CXCL13: variants seen among roughly 807,000 people sequenced by gnomAD.
The protein encoded by CXCL13 is C-X-C motif chemokine 13.
Under a neutral mutation model 12.2 loss-of-function variants are expected in CXCL13, and 7 were observed. The ratio of observed to expected loss-of-function variants is 0.57; its 90% CI spans 0.33 to 1.07. The LOEUF is 1.07. Among genes scored for constraint, CXCL13 ranks in the 50% least tolerant of loss-of-function variants. The pLI, the probability that CXCL13 is intolerant of heterozygous loss-of-function variation, is 0.04. For synonymous variants in CXCL13, 47 were observed against 42.4 expected (o/e 1.11, Z -0.42); for missense variants, 113 against 127.4 (o/e 0.89, Z 0.55).
At chr4:77,526,228 G>A (rs1485827591) in intron 1 of CXCL13, among the ~76,000 whole-genome samples, 2 of 151,684 alleles carry the variant, frequency 1.3e-5, no homozygotes, top group Non-Finnish European at 2.9e-5. Flanking sequence ...TTGTTTCATG[G>A]CAAATATTAA....
Position 77,610,635 on chromosome 4 carries a change from A to C in CXCL13, c.219A>C (p.Ser73=). 4 of 1,613,016 alleles carry C rather than the reference A, an allele frequency of 2.5e-6. No homozygotes were observed. Among genetic ancestry groups the C allele is most frequent in the Admixed American group, 1.7e-5 (1 of 60,012 alleles). Residue 73 remains serine (S), a synonymous_variant, in exon 3 of 4, where the codon TCA becomes TCC. Coordinates refer to ENST00000682537, the MANE Select transcript of CXCL13 (RefSeq NM_001371558.1). ...KEIIVWKKNK[S]IVCVDPQAEW... is the part of the protein sequence containing the mutation. ...CCAGAGTCTGGAAGAAGAACAAGTC[A>C]ATTGTGTGTGTGGACCCTCAAGCTG...
intron 1 of CXCL13, among the ~76,000 whole-genome samples, chr4:77,526,269 T>C (rs1381521426): frequency 1.3e-5 from 2 of 152,016 alleles, no homozygotes; most frequent in Admixed American, 6.6e-5. Context: ...AGGTATTCTG[T>C]TATAGTAACA....
At chr4:77,584,986 T>C (rs957117392) in intron 1 of CXCL13, among the ~76,000 whole-genome samples, 2 of 152,226 alleles carry the variant, frequency 1.3e-5, no homozygotes, top group Non-Finnish European at 2.9e-5. Flanking sequence ...AGATTTTTTC[T>C]TCTTTAAAGA....
intron 1 of CXCL13, among the ~76,000 whole-genome samples, chr4:77,520,767 TGA>T (rs1413162297): frequency 2.6e-5 from 4 of 152,190 alleles, no homozygotes; most frequent in African/African-American, 9.7e-5. Context: ...ATAGGAGTGG[TGA>T]GAGAGGGCAT....
chr4:77,563,281 A>G (rs1393924131), intron 1 of CXCL13, among the ~76,000 whole-genome samples: 1 of 152,152 alleles, frequency 6.6e-6, no homozygotes. Context: ...GTTCTCAAGC[A>G]AAGACCGATG....
In CXCL13 at chr4:77,517,280, T is replaced by G. The variant is rs1243473621; in HGVS notation, c.-43+5492T>G. On this transcript the variant is annotated intron_variant, in intron 1 of 4. Transcript: ENST00000286758. Reference sequence around the variant, plus strand: ...GTGTGGTGCTGAAAAAAATGTATATTCTGTTGATTTGAGGTGGAGAGTTCT... The same window carrying G: ...GTGTGGTGCTGAAAAAAATGTATATGCTGTTGATTTGAGGTGGAGAGTTCT... 2.6e-5 allele frequency among the ~76,000 whole-genome samples: 4 copies of G among 152,202 alleles called. No homozygotes were observed. The East Asian group carries it at 5.8e-4, about 22-fold the overall frequency.
In CXCL13 at chr4:77,585,208, G is replaced by C. The variant is rs183176224; in HGVS notation, c.-42-20616G>C. 3.3e-5 allele frequency among the ~76,000 whole-genome samples: 5 copies of C among 152,252 alleles called. No homozygotes were observed. In the South Asian group the frequency reaches 6.2e-4, roughly 19 times the overall value. On this transcript the variant is annotated intron_variant, in intron 1 of 4. Coordinates refer to the CXCL13 transcript ENST00000286758. ...CCTGGCTTTAAAAATTGGGAGAAAG[G>C]CTTCTTTATTCAATAAAAATCTTGA...
intron 1 of CXCL13, among the ~76,000 whole-genome samples, chr4:77,537,217 T>C (rs1368659182): frequency 6.6e-6 from 1 of 152,226 alleles, no homozygotes; most frequent in Non-Finnish European, 1.5e-5. Context: ...AGAGTACTAC[T>C]GCAACCCCTA....
chr4:77,580,578 G>A (rs1454052622), intron 1 of CXCL13, among the ~76,000 whole-genome samples: 1 of 151,832 alleles, frequency 6.6e-6, no homozygotes, highest in Admixed American at 6.6e-5. Flanking sequence ...GCCTCCATCA[G>A]CCCCTCAAAG....
intron 1 of CXCL13, among the ~76,000 whole-genome samples, chr4:77,576,425 G>A (rs1726197702): frequency 6.6e-6 from 1 of 152,196 alleles, no homozygotes; most frequent in Non-Finnish European, 1.5e-5. Context: ...GAAACTACTT[G>A]CAAGTATTCT....
chr4:77,520,880 G>A (rs1485434134), intron 1 of CXCL13, among the ~76,000 whole-genome samples: 1 of 152,158 alleles, frequency 6.6e-6, no homozygotes, highest in Non-Finnish European at 1.5e-5. Flanking sequence ...ATTATTTTGA[G>A]ATGTGTTCCA....
intron 1 of CXCL13, among the ~76,000 whole-genome samples, chr4:77,549,429 A>G (rs1725453993): frequency 1.3e-5 from 2 of 152,082 alleles, no homozygotes; most frequent in South Asian, 4.1e-4. Context: ...TGGTTTTTAG[A>G]ATTTTCAGCT....
chr4:77,524,345 C>T (rs1724706299), intron 1 of CXCL13, among the ~76,000 whole-genome samples: 1 of 152,208 alleles, frequency 6.6e-6, no homozygotes, highest in African/African-American at 2.4e-5. Context: ...GAGGTGGAGT[C>T]TATAGAGGCA....
At chr4:77,580,863 T>C (rs949525155) in intron 1 of CXCL13, among the ~76,000 whole-genome samples, 12 of 144,012 alleles carry the variant, frequency 8.3e-5, no homozygotes, top group Non-Finnish European at 1.5e-4. Context: ...TTTCCTCTCC[T>C]CTTCTCCTGT....
At chr4:77,593,437 A>G (rs1246861502) in intron 1 of CXCL13, among the ~76,000 whole-genome samples, 1 of 152,220 alleles carries the variant, frequency 6.6e-6, no homozygotes, top group African/African-American at 2.4e-5. Context: ...ACGATGAATG[A>G]GTGGACATCC....
At chr4:77,544,006 T>C (rs943882453) in intron 1 of CXCL13, among the ~76,000 whole-genome samples, 9 of 152,166 alleles carry the variant, frequency 5.9e-5, no homozygotes, top group African/African-American at 2.2e-4. Context: ...TGTTTGGTTT[T>C]CTGTCCTTGC....
At chr4:77,606,938 A>G (rs1727013905) in intron 1 of CXCL13, among the ~76,000 whole-genome samples, 1 of 152,232 alleles carries the variant, frequency 6.6e-6, no homozygotes, top group Non-Finnish European at 1.5e-5. Context: ...GTACCCATCC[A>G]GTATTAATTG....
chr4:77,559,342 TG>T (rs2109811527), intron 1 of CXCL13, among the ~76,000 whole-genome samples: 1 of 152,326 alleles, frequency 6.6e-6, no homozygotes, highest in South Asian at 2.1e-4. Flanking sequence ...GTTGACCCTT[TG>T]GCCATTTCTG....
chr4:77,610,907 T>A (rs1727134464), intron 3 of CXCL13, 81 bp from the exon 4 acceptor site: 1 of 1,285,220 alleles, frequency 7.8e-7, no homozygotes, highest in Non-Finnish European at 1.1e-6. Context: ...TAAGAGTCCT[T>A]GCCCGGTATC....
Sources: gnomAD v4.1 joint callset for allele counts (sites outside exome capture counted in the v4.1 genomes callset) on GRCh38, gnomAD v4.1.1 for gene constraint, MANE v1.5 for transcripts, NCBI Gene and HGNC (gene_info 2026-07-23, HGNC 2026-07-21) for gene names.